Variants in CFAP299 observed in about 807,000 individuals in gnomAD.
CFAP299 encodes the protein cilia- and flagella-associated protein 299.
CFAP299 carries 21 observed loss-of-function variants against 27.0 expected under a neutral mutation model. The observed-to-expected ratio is 0.78, with a 90% CI of 0.55 to 1.12. The LOEUF is 1.12. Ranked by LOEUF, CFAP299 falls within the 50% of genes most tolerant of loss-of-function variation. CFAP299 has a pLI of 0.00. For missense variants in CFAP299, 310 were observed against 276.6 expected (o/e 1.12, Z -0.86); for synonymous variants, 104 against 98.1 (o/e 1.06, Z -0.36).
chr4:80,427,257 A>G (rs1560562603), intron 2 of CFAP299, among the ~76,000 whole-genome samples: 1 of 152,166 alleles, frequency 6.6e-6, no homozygotes, highest in Non-Finnish European at 1.5e-5. Flanking sequence ...CCTTTCCACC[A>G]ACATATTTTA....
At chr4:80,493,578 G>T (rs1341600546) in intron 2 of CFAP299, among the ~76,000 whole-genome samples, 1 of 152,018 alleles carries the variant, frequency 6.6e-6, no homozygotes, top group Non-Finnish European at 1.5e-5. Flanking sequence ...GAAAAAGGTT[G>T]CTTTATGAGG....
Position 80,803,052 on chromosome 4 carries a change from AG to A in CFAP299, c.334-66940del, listed in dbSNP as rs1286108326. On this transcript the variant is annotated intron_variant, in intron 3 of 5. Transcript: ENST00000358105. ...ACTTTTTTCATCAACTGTATATTAG[AG>A]TTTAAATAAATTTTTCCAATTCACA... Among the ~76,000 whole-genome samples the A allele has an allele frequency of 2.0e-5, 3 of 152,218 alleles. No homozygotes were observed. In the South Asian group the frequency reaches 6.2e-4, roughly 32 times the overall value.
rs73829141 is a variant in CFAP299 at position 80,817,109 on chromosome 4, C to T, written c.334-52884C>T. ...GTTAGGCAGTGTCCCTGGAGGCAAC[C>T]TATATGCAGTGACGGTGAGGTTGGG... On this transcript the variant is annotated intron_variant, in intron 3 of 5. Transcript: ENST00000358105. Among the ~76,000 whole-genome samples, 1,204 of 152,118 alleles carry T rather than the reference C, an allele frequency of 7.9e-3. 12 individuals carry two copies. The highest frequency in any genetic ancestry group is 0.027 in the African/African-American group (1,140 of 41,492).
intron 3 of CFAP299, among the ~76,000 whole-genome samples, chr4:80,810,015 T>G (rs1408070551): frequency 1.3e-5 from 2 of 152,048 alleles, no homozygotes; most frequent in South Asian, 4.1e-4. Context: ...TTTTAACATA[T>G]TAATAATATA....
chr4:80,474,793 C>T (rs961271866), intron 2 of CFAP299, among the ~76,000 whole-genome samples: 4 of 152,038 alleles, frequency 2.6e-5, no homozygotes, highest in East Asian at 1.9e-4. Flanking sequence ...TCTAGGAATG[C>T]GGTGGTGAGA....
rs17004955 is a variant in CFAP299, at chr4:80,613,039, G to C, written c.333+29856G>C. On this transcript the variant is annotated intron_variant, in intron 3 of 5. Coordinates refer to ENST00000358105, the MANE Select transcript of CFAP299 (RefSeq NM_152770.3). ...CTCTTTCATATGCATTTACACATTT[G>C]ATTCCCCATAATCCTACATGAGATA... Among the ~76,000 whole-genome samples, 1,368 of 152,172 alleles carry C rather than the reference G, an allele frequency of 9.0e-3. 23 individuals carry two copies. Among genetic ancestry groups the C allele is most frequent in the African/African-American group, 0.03 (1,261 of 41,502 alleles).
intron 3 of CFAP299, among the ~76,000 whole-genome samples, chr4:80,644,999 G>GC (rs564309814): frequency 8.2e-4 from 125 of 151,864 alleles, no homozygotes; most frequent in African/African-American, 2.6e-3. Flanking sequence ...TGATGCACCA[G>GC]CCCCCCCTCA....
At chr4:80,360,480 G>A (rs2109995876) in intron 1 of CFAP299, among the ~76,000 whole-genome samples, 1 of 152,320 alleles carries the variant, frequency 6.6e-6, no homozygotes, top group Middle Eastern at 3.4e-3. Flanking sequence ...AGGATTGACA[G>A]CCTATACCCC....
At chr4:80,514,585 G>T (rs1480466640) in intron 2 of CFAP299, among the ~76,000 whole-genome samples, 4 of 151,950 alleles carry the variant, frequency 2.6e-5, no homozygotes, top group African/African-American at 7.2e-5. Context: ...AAGCCCACTG[G>T]TCCCTTGATG....
chr4:80,891,530 C>A (rs2110186641), intron 4 of CFAP299, among the ~76,000 whole-genome samples: 1 of 137,410 alleles, frequency 7.3e-6, no homozygotes, highest in Admixed American at 7.6e-5. Context: ...AAACCAAACA[C>A]CGCATATTCT....
intron 2 of CFAP299, among the ~76,000 whole-genome samples, chr4:80,509,580 T>C (rs901586910): frequency 1.3e-5 from 2 of 152,184 alleles, no homozygotes; most frequent in Non-Finnish European, 2.9e-5. Flanking sequence ...TGTACTCTTA[T>C]AAAATTGCTT....
At chr4:80,630,195 G>A (rs1739134990) in intron 3 of CFAP299, among the ~76,000 whole-genome samples, 1 of 152,144 alleles carries the variant, frequency 6.6e-6, no homozygotes, top group African/African-American at 2.4e-5. Context: ...TGGAAGTAAT[G>A]ATACAAAAGC....
At chr4:80,689,859 A>C (rs1196005355) in intron 3 of CFAP299, among the ~76,000 whole-genome samples, 19 of 152,084 alleles carry the variant, frequency 1.2e-4, no homozygotes, top group African/African-American at 9.7e-5. Context: ...TCGACCAAGC[A>C]AATGGAAAAC....
chr4:80,937,652 A>G (rs1293438277), intron 4 of CFAP299, among the ~76,000 whole-genome samples: 4 of 152,140 alleles, frequency 2.6e-5, no homozygotes, highest in South Asian at 2.1e-4. Context: ...CAGGCAGCAT[A>G]TAGTTGGATC....
At chr4:80,877,458 C>T (rs568932023) in intron 4 of CFAP299, among the ~76,000 whole-genome samples, 1 of 152,210 alleles carries the variant, frequency 6.6e-6, no homozygotes, top group Non-Finnish European at 1.5e-5. Context: ...ACAGTTTGGT[C>T]CATTGCTTTA....
At chr4:80,436,366 T>C (rs1043658603) in intron 2 of CFAP299, among the ~76,000 whole-genome samples, 4 of 150,834 alleles carry the variant, frequency 2.7e-5, no homozygotes, top group African/African-American at 9.8e-5. Context: ...TGGCGCGATC[T>C]CAGCTCACTG....
chr4:80,414,064 C>CTTTT (rs1170153950), intron 2 of CFAP299, among the ~76,000 whole-genome samples: 18 of 62,446 alleles, frequency 2.9e-4, no homozygotes, highest in African/African-American at 6.7e-4. Flanking sequence ...ATGGGTATTT[C>CTTTT]TTTTTTTTTT....
At chr4:80,334,804 A>T (rs1378520034), upstream of CFAP299, among the ~76,000 whole-genome samples, 1 of 152,224 alleles carries the variant, frequency 6.6e-6, no homozygotes, top group East Asian at 1.9e-4. Context: ...AAATTAGGAA[A>T]GCTAACTGAA....
At chr4:80,499,731 G>A (rs1731648748) in intron 2 of CFAP299, among the ~76,000 whole-genome samples, 1 of 151,996 alleles carries the variant, frequency 6.6e-6, no homozygotes, top group African/African-American at 2.4e-5. Flanking sequence ...AGGTACATGA[G>A]CTACTTCTGC....
Sources: allele counts gnomAD v4.1 joint callset (sites outside exome capture counted in the v4.1 genomes callset), GRCh38; gene constraint gnomAD v4.1.1; transcripts MANE v1.5; gene names NCBI Gene and HGNC (gene_info 2026-07-23, HGNC 2026-07-21).